The following DSG4 variants were observed in gnomAD, a reference collection of about 807,000 sequenced individuals.
DSG4 encodes the protein desmoglein-4.
DSG4 carries 87 observed loss-of-function variants against 93.1 expected under a neutral mutation model. That is an observed-to-expected ratio of 0.93 (90% CI 0.79 to 1.12). DSG4 has a LOEUF of 1.12. Ranked by LOEUF, DSG4 falls within the 50% of genes most tolerant of loss-of-function variation. The pLI, the probability that DSG4 is intolerant of heterozygous loss-of-function variation, is 0.00. For synonymous variants in DSG4, 432 were observed against 452.9 expected (o/e 0.95, Z 0.59); for missense variants, 1,373 against 1,285.7 (o/e 1.07, Z -1.04).
At chr18:31,387,862 T>C (rs1598737678) in intron 3 of DSG4, among the ~76,000 whole-genome samples, 1 of 152,162 alleles carries the variant, frequency 6.6e-6, no homozygotes, top group East Asian at 1.9e-4. Flanking sequence ...AAAATCTATT[T>C]GGCAGAAAAG....
At chr18:31,392,472 T>C (rs1189473115) in intron 8 of DSG4, 132 bp downstream of exon 8, 1 of 997,172 alleles carries the variant, frequency 1.0e-6, no homozygotes, top group African/African-American at 1.6e-5. Flanking sequence ...ATATCAAGGG[T>C]CCTAAGTAAC....
chr18:31,383,715 C>T (rs933526468), intron 1 of DSG4, among the ~76,000 whole-genome samples: 1 of 152,234 alleles, frequency 6.6e-6, no homozygotes, highest in South Asian at 2.1e-4. Context: ...TCCCAAATCC[C>T]CCTTAAAAAG....
chr18:31,412,003 T>A (rs2072499906), intron 15 of DSG4, among the ~76,000 whole-genome samples: 1 of 152,242 alleles, frequency 6.6e-6, no homozygotes, highest in South Asian at 2.1e-4. Context: ...CGAAAAGGGG[T>A]CCAGCAATAG....
chr18:31,401,705 C>T (rs973937923), intron 10 of DSG4: 1 of 152,102 alleles, frequency 6.6e-6, no homozygotes, highest in Admixed American at 6.6e-5. Context: ...AGGAAACCAG[C>T]TGCTGTAGAA....
rs986963127 is a variant in DSG4 at position 31,413,617 on chromosome 18, A to G, written c.*22A>G. The stretch of plus-strand genomic sequence containing the variant: ...GTAAGTGCTTTATGGTCAGTATTCT[A>G]TGTGGAGACCTTGCACCTTGTAATC... On this transcript the variant is annotated 3_prime_UTR_variant, in exon 16 of 16. Coordinates refer to ENST00000308128, the MANE Select transcript of DSG4 (RefSeq NM_177986.5). The G allele has an allele frequency of 3.1e-6, 5 of 1,610,354 alleles. No individual in the cohort carries two copies. The highest frequency in any genetic ancestry group is 1.7e-5 in the Admixed American group (1 of 60,024).
At chr18:31,396,354 C>CTTTTTTTTT (rs71383035) in intron 8 of DSG4, among the ~76,000 whole-genome samples, 2 of 73,972 alleles carry the variant, frequency 2.7e-5, no homozygotes, top group African/African-American at 6.0e-5. Context: ...AGGGTCATTG[C>CTTTTTTTTT]TTTTTTTTTT....
intron 15 of DSG4, among the ~76,000 whole-genome samples, chr18:31,412,508 A>G (rs1487311307): frequency 6.6e-6 from 1 of 152,228 alleles, no homozygotes; most frequent in African/African-American, 2.4e-5. Flanking sequence ...AAGAACTAAA[A>G]TAGAACTAGA....
chr18:31,387,912 T>A (rs927913502), intron 3 of DSG4, among the ~76,000 whole-genome samples: 1 of 152,148 alleles, frequency 6.6e-6, no homozygotes, highest in Non-Finnish European at 1.5e-5. Context: ...ATTACAAATA[T>A]CTCTAACCAT....
chr18:31,377,016 C>T, intron 1 of DSG4, 57 bp downstream of exon 1: 3 of 1,571,534 alleles, frequency 1.9e-6, no homozygotes, highest in Non-Finnish European at 2.6e-6. Context: ...TTGTCTCTGT[C>T]AACTGTCGGG....
Position 31,412,822 on chromosome 18 carries a change from T to C in DSG4, c.2356-6T>C. The stretch of plus-strand genomic sequence containing the variant: ...TTTCTAATTCTGTATTTCCTTTTAA[T>C]TTTAGAAAGCGTATGCTTATGCAGA... On this transcript the variant is annotated splice_region_variant and splice_polypyrimidine_tract_variant and intron_variant, in intron 15 of 15. Coordinates refer to ENST00000308128, the MANE Select transcript of DSG4 (RefSeq NM_177986.5). 6.2e-7 allele frequency: 1 copy of C among 1,614,106 alleles called. No homozygotes were observed. Among genetic ancestry groups the C allele is most frequent in the Non-Finnish European group, 8.5e-7 (1 of 1,180,006 alleles).
rs2072358388 is a variant in DSG4 at position 31,400,950 on chromosome 18, T to A, written c.1347T>A (p.Ser449=). The A allele has an allele frequency of 1.2e-6, 2 of 1,612,274 alleles. No individual in the cohort carries two copies. The highest frequency in any genetic ancestry group is 1.3e-5 in the African/African-American group (1 of 74,850). Residue 449 remains serine (S), a synonymous_variant, in exon 10 of 16, where the codon TCT becomes TCA. Coordinates refer to ENST00000308128, the MANE Select transcript of DSG4 (RefSeq NM_177986.5). The part of the protein sequence containing the change: ...IDSRTGEIQF[S]REFDKKSKYI... ...CAAGAACTGGTGAGATACAATTTTC[T>A]AGAGAATTTGATAAGAAGTCAAAAT... is the stretch of plus-strand genomic sequence containing the variant.
intron 8 of DSG4, among the ~76,000 whole-genome samples, chr18:31,396,260 A>G (rs1340818808): frequency 2.0e-5 from 3 of 152,022 alleles, no homozygotes; most frequent in Non-Finnish European, 4.4e-5. Context: ...GCAATTACTA[A>G]ACACCAACTA....
At chr18:31,389,108 A>G in intron 5 of DSG4, 90 bp downstream of exon 5, 1 of 1,479,408 alleles carries the variant, frequency 6.8e-7, no homozygotes, top group Non-Finnish European at 9.4e-7. Flanking sequence ...GGAAATGTAA[A>G]GGACAGAAAA....
At chr18:31,382,616 C>T (rs769278797) in intron 1 of DSG4, among the ~76,000 whole-genome samples, 5 of 152,054 alleles carry the variant, frequency 3.3e-5, no homozygotes, top group African/African-American at 4.8e-5. Flanking sequence ...AGTGAGGGCT[C>T]CTGATGGGGC....
At chr18:31,390,934 C>G in intron 6 of DSG4, 112 bp downstream of exon 6, 11 of 1,494,356 alleles carry the variant, frequency 7.4e-6, no homozygotes, top group Non-Finnish European at 1.0e-5. Context: ...GAAAAATAAT[C>G]CATTTTTAAT....
intron 1 of DSG4, among the ~76,000 whole-genome samples, chr18:31,381,040 A>G (rs1250902902): frequency 6.6e-6 from 1 of 152,208 alleles, no homozygotes; most frequent in Non-Finnish European, 1.5e-5. Flanking sequence ...GAATACATAC[A>G]TTATTACAGG....
chr18:31,404,854 G>A (rs2072407351), intron 11 of DSG4, among the ~76,000 whole-genome samples: 1 of 151,848 alleles, frequency 6.6e-6, no homozygotes, highest in African/African-American at 2.4e-5. Context: ...TCCTCATTCG[G>A]ATCCTAGATA....
chr18:31,409,357 TATACTGCC>T lies in DSG4; in HGVS notation c.1934-93_1934-86del. 3 of 1,580,758 alleles carry T rather than the reference TATACTGCC, an allele frequency of 1.9e-6. No homozygotes were observed. The Admixed American group carries it at 5.0e-5, about 26-fold the overall frequency. ...CATATATTTGTATTTTTGTTCTAAA[TATACTGCC>T]ACCAAATGCTCCCCAGAATGATTCA... On this transcript the variant is annotated intron_variant, in intron 12 of 15. Coordinates refer to ENST00000308128, the MANE Select transcript of DSG4 (RefSeq NM_177986.5).
At chr18:31,412,110 A>G (rs1478900394) in intron 15 of DSG4, among the ~76,000 whole-genome samples, 2 of 152,234 alleles carry the variant, frequency 1.3e-5, no homozygotes, top group African/African-American at 4.8e-5. Flanking sequence ...TAGCCAATAC[A>G]TGGAATCAAC....
Sources: allele counts gnomAD v4.1 joint callset (sites outside exome capture counted in the v4.1 genomes callset), GRCh38; gene constraint gnomAD v4.1.1; transcripts MANE v1.5; gene names NCBI Gene and HGNC (gene_info 2026-07-23, HGNC 2026-07-21).